The following PTCSC3 variants were observed in gnomAD, a reference collection of about 807,000 sequenced individuals.
PTCSC3 encodes papillary thyroid carcinoma susceptibility candidate 3 (non-protein coding).
At chr14:36,144,076 T>C (rs1033929624) in intron 3 of PTCSC3, among the ~76,000 whole-genome samples, 27 of 152,304 alleles carry the variant, frequency 1.8e-4, no homozygotes, top group Non-Finnish European at 3.1e-4. Context: ...GTAGTATAGT[T>C]TGAAGTCAGG....
chr14:36,137,189 T>G (rs552826763), intron 3 of PTCSC3, among the ~76,000 whole-genome samples: 2 of 152,104 alleles, frequency 1.3e-5, no homozygotes, highest in South Asian at 2.1e-4. Flanking sequence ...ATCTAGGGTG[T>G]GAACGCTGCA....
At chr14:36,168,360 AATATAT>A (rs147400390) in intron 1 of PTCSC3, among the ~76,000 whole-genome samples, 173 of 113,888 alleles carry the variant, frequency 1.5e-3, no homozygotes, top group Middle Eastern at 4.7e-3. Context: ...ATTGATTCTG[AATATAT>A]ATATATATAT....
At chr14:36,173,873 G>C (rs988909931) in intron 1 of PTCSC3, among the ~76,000 whole-genome samples, 2 of 152,054 alleles carry the variant, frequency 1.3e-5, no homozygotes, top group African/African-American at 4.8e-5. Context: ...TGAGATGACA[G>C]TTTTTTCTTT....
At chr14:36,164,850 T>C (rs1245045718) in intron 1 of PTCSC3, among the ~76,000 whole-genome samples, 4 of 152,240 alleles carry the variant, frequency 2.6e-5, no homozygotes, top group African/African-American at 9.6e-5. Context: ...ATGTCTTTGC[T>C]ATATGTATCT....
chr14:36,150,579 A>C (rs1022697369), intron 3 of PTCSC3, among the ~76,000 whole-genome samples: 14 of 152,190 alleles, frequency 9.2e-5, no homozygotes, highest in African/African-American at 3.4e-4. Context: ...CCACATTTTA[A>C]ATTGTTTTCT....
At chr14:36,161,143 C>T (rs2139106163) in intron 2 of PTCSC3, among the ~76,000 whole-genome samples, 1 of 152,288 alleles carries the variant, frequency 6.6e-6, no homozygotes, top group Middle Eastern at 3.4e-3. Context: ...AGGTTCTTAG[C>T]TTCCTTGCAT....
Position 36,138,958 on chromosome 14 carries a change from C to T in PTCSC3, n.323-2602G>A, listed in dbSNP as rs573090808. 7.3e-5 allele frequency among the ~76,000 whole-genome samples: 11 copies of T among 151,612 alleles called. No individual in the cohort carries two copies. In the East Asian group the frequency reaches 1.8e-3, roughly 24 times the overall value. On this transcript the variant is annotated intron_variant and non_coding_transcript_variant, in intron 3 of 3. Transcript: ENST00000556013. Reference sequence around the variant, plus strand: ...TGAAACCCCGTCTCTACTAAAAATACAAAAAATTAGCTGGGCGTGGTGGCA... The same window carrying T: ...TGAAACCCCGTCTCTACTAAAAATATAAAAAATTAGCTGGGCGTGGTGGCA...
chr14:36,165,429 C>G (rs1882066906), intron 1 of PTCSC3: 1 of 152,092 alleles, frequency 6.6e-6, no homozygotes, highest in Non-Finnish European at 1.5e-5. Flanking sequence ...CTCTCCATCT[C>G]TGTCTGTTTC....
chr14:36,146,936 G>C (rs1215066380), intron 3 of PTCSC3, among the ~76,000 whole-genome samples: 1 of 152,070 alleles, frequency 6.6e-6, no homozygotes, highest in East Asian at 1.9e-4. Context: ...TAGTTTGGCT[G>C]GATATGAAAT....
At chr14:36,148,743 G>C (rs1211202833) in intron 3 of PTCSC3, among the ~76,000 whole-genome samples, 1 of 152,070 alleles carries the variant, frequency 6.6e-6, no homozygotes, top group South Asian at 2.1e-4. Flanking sequence ...ATTTCTCCTT[G>C]TATGAGTTTT....
chr14:36,176,700 A>T (rs1022671209), upstream of PTCSC3, among the ~76,000 whole-genome samples: 1 of 152,184 alleles, frequency 6.6e-6, no homozygotes, highest in South Asian at 2.1e-4. Flanking sequence ...CTATTCCTTC[A>T]TGCCTGACGG....
chr14:36,139,125 A>T (rs186170887), intron 3 of PTCSC3, among the ~76,000 whole-genome samples: 5,499 of 150,196 alleles, frequency 0.037, 194 homozygotes, highest in East Asian at 0.12. Context: ...AAAATAAAAA[A>T]AAAAAAAAAA....
chr14:36,141,909 C>G (rs983924533), intron 3 of PTCSC3, among the ~76,000 whole-genome samples: 1 of 152,114 alleles, frequency 6.6e-6, no homozygotes, highest in Non-Finnish European at 1.5e-5. Context: ...TGCTATTTGT[C>G]GTAATTGCTT....
At chr14:36,148,213 T>G (rs1283295368) in intron 3 of PTCSC3, among the ~76,000 whole-genome samples, 1 of 152,102 alleles carries the variant, frequency 6.6e-6, no homozygotes, top group East Asian at 1.9e-4. Context: ...TCCCGGCTGC[T>G]TTGTTTACCT....
intron 3 of PTCSC3, among the ~76,000 whole-genome samples, chr14:36,153,456 A>G: frequency 6.6e-6 from 1 of 152,232 alleles, no homozygotes; most frequent in South Asian, 2.1e-4. Context: ...GTAAAAATCC[A>G]TAGTGTTGAC....
intron 1 of PTCSC3, among the ~76,000 whole-genome samples, chr14:36,168,116 C>G (rs74842527): frequency 0.03 from 4,578 of 152,070 alleles, 171 homozygotes; most frequent in Admixed American, 0.11. Context: ...ATGCTCAGAA[C>G]TGTTGCTGCT....
chr14:36,153,500 A>G (rs1881766897), intron 3 of PTCSC3, among the ~76,000 whole-genome samples: 1 of 152,220 alleles, frequency 6.6e-6, no homozygotes, highest in Admixed American at 6.5e-5. Context: ...AAGCAATGGA[A>G]ACTCTCACTT....
intron 3 of PTCSC3, among the ~76,000 whole-genome samples, chr14:36,147,113 A>G (rs1253399868): frequency 2.0e-5 from 3 of 151,632 alleles, no homozygotes; most frequent in Non-Finnish European, 4.4e-5. Context: ...CTTCATTTCG[A>G]CTTTGGTGAA....
chr14:36,148,256 C>A (rs931830179), intron 3 of PTCSC3, among the ~76,000 whole-genome samples: 2 of 152,184 alleles, frequency 1.3e-5, no homozygotes, highest in African/African-American at 4.8e-5. Flanking sequence ...GCTCCCCTCC[C>A]CCAGCCTCGC....
Sources: gnomAD v4.1 joint callset for allele counts (sites outside exome capture counted in the v4.1 genomes callset) on GRCh38, gnomAD v4.1.1 for gene constraint, MANE v1.5 for transcripts, NCBI Gene and HGNC (gene_info 2026-07-23, HGNC 2026-07-21) for gene names.